The following USP45 variants were observed in gnomAD, a reference collection of about 807,000 sequenced individuals.
The protein encoded by USP45 is ubiquitin specific peptidase 45, also known as ubiquitin carboxyl-terminal hydrolase 45.
Under a neutral mutation model 95.8 loss-of-function variants are expected in USP45, and 89 were observed. That is an observed-to-expected ratio of 0.93 (90% CI 0.78 to 1.11). The LOEUF (loss-of-function observed/expected upper bound fraction) is 1.11, where lower values mean the gene tolerates loss of function less well. Ranked by LOEUF, USP45 falls within the 50% of genes least tolerant of loss-of-function variation. The pLI is 0.00. For missense variants in USP45, 898 were observed against 942.5 expected (o/e 0.95, Z 0.62); for synonymous variants, 281 against 316.2 (o/e 0.89, Z 1.18).
chr6:99,502,144 G>T, intron 5 of USP45: 1 of 1,004,776 alleles, frequency 1.0e-6, no homozygotes, highest in Non-Finnish European at 1.3e-6. Flanking sequence ...AAACTCCAGT[G>T]AGCTTCCTTG....
intron 6 of USP45, 132 bp from the exon 7 acceptor site, chr6:99,488,427 C>T: frequency 5.7e-6 from 4 of 696,012 alleles, no homozygotes; most frequent in East Asian, 2.8e-5. Context: ...TAGTTGAGTA[C>T]ATTTTACATT....
At chr6:99,505,347 A>G (rs1432201667) in intron 4 of USP45, among the ~76,000 whole-genome samples, 1 of 152,098 alleles carries the variant, frequency 6.6e-6, no homozygotes, top group Non-Finnish European at 1.5e-5. Flanking sequence ...CATGTGTTGG[A>G]AAGTGTTCAA....
At position 99,433,477 on chromosome 6, in the gene USP45, T is replaced by A. The variant is rs879287396; in HGVS notation, c.*2239A>T. 2 of 152,600 alleles carry A rather than the reference T, an allele frequency of 1.3e-5. No individual in the cohort carries two copies. The highest frequency in any genetic ancestry group is 2.9e-5 in the Non-Finnish European group (2 of 68,024). 9.5% of individuals were successfully genotyped at this position (152,600 alleles called of 1,614,324 possible). On this transcript the variant is annotated 3_prime_UTR_variant, in exon 18 of 18. Transcript: ENST00000500704. ...TGTGCTTTGGAAATAATAACAAAAATTTTAAGGTAGACCCATGTGTAATTT... is the reference window on the plus strand; with the variant it reads ...TGTGCTTTGGAAATAATAACAAAAAATTTAAGGTAGACCCATGTGTAATTT...
intron 1 of USP45, among the ~76,000 whole-genome samples, chr6:99,513,307 G>A (rs1252574171): frequency 6.6e-6 from 1 of 152,072 alleles, no homozygotes; most frequent in Non-Finnish European, 1.5e-5. Context: ...ACTATCCACA[G>A]AGCCATTTCA....
intron 13 of USP45, among the ~76,000 whole-genome samples, chr6:99,450,069 G>A (rs572685802): frequency 3.5e-4 from 54 of 152,214 alleles, no homozygotes; most frequent in Admixed American, 1.4e-3. Context: ...ATGCCCACAA[G>A]AGAAAGCAGG....
chr6:99,513,942 A>C (rs968943717), intron 1 of USP45, among the ~76,000 whole-genome samples: 1 of 152,212 alleles, frequency 6.6e-6, no homozygotes, highest in African/African-American at 2.4e-5. Flanking sequence ...GAAATTGCTT[A>C]ATGGACACAA....
At chr6:99,477,522 A>G (rs1168613058) in intron 8 of USP45, among the ~76,000 whole-genome samples, 1 of 152,206 alleles carries the variant, frequency 6.6e-6, no homozygotes, top group Non-Finnish European at 1.5e-5. Flanking sequence ...CATGTTGGTC[A>G]GGCTGGTCTC....
chr6:99,480,531 C>T (rs925074860), intron 8 of USP45, among the ~76,000 whole-genome samples: 10 of 151,952 alleles, frequency 6.6e-5, no homozygotes, highest in East Asian at 1.9e-4. Flanking sequence ...CAAAATTAGC[C>T]GGGTGTGGTA....
At chr6:99,495,310 G>T (rs1259491490) in intron 5 of USP45, among the ~76,000 whole-genome samples, 1 of 152,194 alleles carries the variant, frequency 6.6e-6, no homozygotes, top group East Asian at 1.9e-4. Context: ...TGGGTTTGTT[G>T]TGAAGTAATA....
intron 16 of USP45, among the ~76,000 whole-genome samples, chr6:99,438,559 A>G (rs992889970): frequency 1.3e-5 from 2 of 152,250 alleles, no homozygotes; most frequent in Non-Finnish European, 2.9e-5. Flanking sequence ...TAAAAATTGC[A>G]CAAATGAACA....
chr6:99,499,579 G>C (rs1408809950), intron 5 of USP45, among the ~76,000 whole-genome samples: 1 of 152,116 alleles, frequency 6.6e-6, no homozygotes, highest in Non-Finnish European at 1.5e-5. Context: ...TCTTGCCCTA[G>C]AACTGCCAAA....
At chr6:99,505,610 C>CAGGCTGG (rs1798339080) in intron 4 of USP45, among the ~76,000 whole-genome samples, 2 of 147,900 alleles carry the variant, frequency 1.4e-5, no homozygotes, top group Non-Finnish European at 3.0e-5. Flanking sequence ...CACTGCACTC[C>CAGGCTGG]AGCCTGGGTG....
At chr6:99,491,334 C>T (rs1308282269) in intron 5 of USP45, among the ~76,000 whole-genome samples, 1 of 152,094 alleles carries the variant, frequency 6.6e-6, no homozygotes, top group East Asian at 1.9e-4. Context: ...CAAGAGGAAC[C>T]CTGATATGGA....
Position 99,502,425 on chromosome 6 carries a change from T to A in USP45, c.478+1340A>T, listed in dbSNP as rs192257358. Reference sequence around the variant, plus strand: ...TGAAGAAATGGTAGGAACCCCCAAATTTGTGGACAGTTGGTCAGAAATTCA... The same window carrying A: ...TGAAGAAATGGTAGGAACCCCCAAAATTGTGGACAGTTGGTCAGAAATTCA... On this transcript the variant is annotated intron_variant, in intron 5 of 17. Coordinates refer to ENST00000500704, the MANE Select transcript of USP45 (RefSeq NM_001346022.3). Among the ~76,000 whole-genome samples, 271 of 152,286 alleles carry A rather than the reference T, an allele frequency of 1.8e-3. 2 individuals carry two copies. Among genetic ancestry groups the A allele is most frequent in the Non-Finnish European group, 1.7e-3 (119 of 68,012 alleles).
intron 13 of USP45, among the ~76,000 whole-genome samples, chr6:99,464,203 G>A (rs905373234): frequency 6.6e-6 from 1 of 152,152 alleles, no homozygotes; most frequent in Non-Finnish European, 1.5e-5. Flanking sequence ...CTACTCAGGA[G>A]GCTGAGGCAG....
intron 5 of USP45, among the ~76,000 whole-genome samples, chr6:99,502,862 G>C (rs372689334): frequency 6.6e-6 from 1 of 152,246 alleles, no homozygotes; most frequent in South Asian, 2.1e-4. Flanking sequence ...CATGTAAGAC[G>C]TGCCTGCTTC....
At chr6:99,459,416 T>G (rs957209577) in intron 13 of USP45, among the ~76,000 whole-genome samples, 3 of 152,206 alleles carry the variant, frequency 2.0e-5, no homozygotes, top group African/African-American at 7.2e-5. Context: ...TCCATGTCTT[T>G]GCTATTGTGA....
rs1368180364 is a variant in USP45 at position 99,508,645 on chromosome 6, A to G, written c.238T>C (p.Ser80Pro). Residue 80 changes from serine to proline, a missense_variant, in exon 3 of 18, where the codon TCT becomes CCT. Physicochemically the swap from Ser to Pro is moderately conservative, Grantham distance 74 (BLOSUM62 -1). Transcript: ENST00000500704. ...CACTTGAGGCACAACCAAATATCAG[A>G]AGTAAGTACTAGCTGCCCATCATAG... Reference protein sequence around the residue: ...RFYDGQLVLTSDIWLCLKCGF... With the variant: ...RFYDGQLVLTPDIWLCLKCGF... 5 of 1,613,218 alleles carry G rather than the reference A, an allele frequency of 3.1e-6. No individual in the cohort carries two copies. Among genetic ancestry groups the G allele is most frequent in the African/African-American group, 1.3e-5 (1 of 74,912 alleles).
At chr6:99,492,413 T>C (rs1345699989) in intron 5 of USP45, among the ~76,000 whole-genome samples, 1 of 152,226 alleles carries the variant, frequency 6.6e-6, no homozygotes, top group Non-Finnish European at 1.5e-5. Flanking sequence ...AAGGGTCTGT[T>C]TGTTGACTTT....
Sources: allele counts gnomAD v4.1 joint callset (sites outside exome capture counted in the v4.1 genomes callset), GRCh38; gene constraint gnomAD v4.1.1; transcripts MANE v1.5; gene names NCBI Gene and HGNC (gene_info 2026-07-23, HGNC 2026-07-21).